The following RABGGTB variants were observed in gnomAD, a reference collection of about 807,000 sequenced individuals.
RABGGTB encodes Rab geranylgeranyltransferase subunit beta.
Under a neutral mutation model 44.5 loss-of-function variants are expected in RABGGTB, and 20 were observed. That is an observed-to-expected ratio of 0.45 (90% CI 0.32 to 0.65). The LOEUF (loss-of-function observed/expected upper bound fraction) is 0.65, where lower values mean the gene tolerates loss of function less well. RABGGTB is among the 30% of genes least tolerant of loss of function. RABGGTB has a pLI of 0.05. For synonymous variants in RABGGTB, 128 were observed against 136.7 expected, an observed-to-expected ratio of 0.94 and a Z score of 0.44; for missense variants, 302 against 398.7, an observed-to-expected ratio of 0.76 and a Z score of 2.06.
At chr1:75,786,498 G>A (rs35505941) in intron 1 of RABGGTB, among the ~76,000 whole-genome samples, 6,173 of 152,128 alleles carry the variant, frequency 0.041, 146 homozygotes, top group Middle Eastern at 0.054. Context: ...TGTAGGGAGG[G>A]CCTGTTAAGA....
chr1:75,793,126 A>G (rs1175777741), intron 7 of RABGGTB, among the ~76,000 whole-genome samples: 1 of 143,210 alleles, frequency 7.0e-6, no homozygotes, highest in Admixed American at 7.0e-5. Context: ...ACTATATTTA[A>G]ATGATTTATA....
rs1649729857 is a variant in RABGGTB at position 75,794,793 on chromosome 1, A to G, written c.*143A>G. On this transcript the variant is annotated 3_prime_UTR_variant, in exon 9 of 9. Coordinates refer to ENST00000319942, the MANE Select transcript of RABGGTB (RefSeq NM_004582.4). Reference sequence around the variant, plus strand: ...ATTTTAATAAATTATATAATTATACATATTGTAAAATAAAGACCGGTATTT... The same window carrying G: ...ATTTTAATAAATTATATAATTATACGTATTGTAAAATAAAGACCGGTATTT... 1.1e-5 allele frequency: 6 copies of G among 528,410 alleles called. No individual in the cohort carries two copies. The highest frequency in any genetic ancestry group is 6.5e-4 in the Middle Eastern group (1 of 1,540). The allele number at this position is 528,410 out of a possible 1,614,324, so 32.7% of individuals were successfully genotyped here.
rs914088361 is a variant in RABGGTB, at chr1:75,792,360, C to G, written c.705+54C>G. On this transcript the variant is annotated intron_variant, in intron 7 of 8. Transcript: ENST00000319942. Reference sequence around the variant, plus strand: ...GCTTTAGAACCTTGAGTGAATGCTGCTGCTTTGTCTTGCCTGTTTCTATAT... The same window carrying G: ...GCTTTAGAACCTTGAGTGAATGCTGGTGCTTTGTCTTGCCTGTTTCTATAT... 13 of 1,588,750 alleles carry G rather than the reference C, an allele frequency of 8.2e-6. No homozygotes were observed. In the African/African-American group the frequency reaches 1.3e-4, roughly 16 times the overall value.
intron 6 of RABGGTB, 141 bp from the exon 7 acceptor site, chr1:75,792,040 T>C (rs1432757971): frequency 7.3e-6 from 5 of 681,176 alleles, no homozygotes. Context: ...AGATATGTGG[T>C]ATTAATACAT....
In RABGGTB at chr1:75,794,204, G is replaced by GTCAA. The variant is rs779614416; in HGVS notation, c.826_827insTCAA (p.Gly276ValfsTer33). ...TTTAGCATGTCAAGATGAAGAAACG[G>GTCAA]GGGGATTTGCAGACAGGCCAGGAGA... On this transcript the variant is annotated frameshift_variant, in exon 8 of 9. Transcript: ENST00000319942. LOFTEE classifies it high-confidence loss of function. The GTCAA allele has an allele frequency of 6.2e-7, 1 of 1,613,388 alleles. No individual in the cohort carries two copies.
chr1:75,792,355 T>G, intron 7 of RABGGTB, 49 bp downstream of exon 7: 1 of 1,592,994 alleles, frequency 6.3e-7, no homozygotes, highest in Non-Finnish European at 8.6e-7. Context: ...CTTGAGTGAA[T>G]GCTGCTGCTT....
Position 75,787,477 on chromosome 1 carries a change from T to C in RABGGTB, c.4-20T>C, listed in dbSNP as rs755346089. The C allele has an allele frequency of 6.4e-7, 1 of 1,570,314 alleles. No individual in the cohort carries two copies. Among genetic ancestry groups the C allele is most frequent in the African/African-American group, 1.4e-5 (1 of 73,978 alleles). The stretch of plus-strand genomic sequence containing the variant: ...GTTGTAGAGGTAAACATTGATGAGA[T>C]TACCACTTTATTTTGAAAGGGCACT... On this transcript the variant is annotated intron_variant, in intron 1 of 8. Coordinates refer to ENST00000319942, the MANE Select transcript of RABGGTB (RefSeq NM_004582.4).
intron 6 of RABGGTB, chr1:75,791,858 AAAAC>A (rs1009779079): frequency 2.6e-5 from 11 of 418,344 alleles, no homozygotes; most frequent in Middle Eastern, 6.6e-4. Context: ...GATAAAAAAA[AAAAC>A]AACACATTTT....
chr1:75,789,471 C>G (rs1649590816), intron 3 of RABGGTB, 115 bp downstream of exon 3: 1 of 1,046,508 alleles, frequency 9.6e-7, no homozygotes. Flanking sequence ...TGAAGCTGTC[C>G]TACAAGGTCA....
chr1:75,789,227 G>C lies in RABGGTB; in HGVS notation c.180G>C (p.Met60Ile). ...GGGGTCTGACAGTAATGGATCTCAT[G>C]GGACAACTTCATCGCATGAATAGAG... ...IYWGLTVMDL[M>I]GQLHRMNREE... The change falls in exon 3 of 9, where the codon ATG (methionine) becomes ATC (isoleucine). Residue 60 changes from methionine to isoleucine, a missense_variant. Physicochemically the swap from Met to Ile is conservative, Grantham distance 10. This residue lies in a region of RABGGTB where 89 missense variants were observed against 75.0 expected (regional missense o/e 1.19). Transcript: ENST00000319942. 6.2e-7 allele frequency: 1 copy of C among 1,614,024 alleles called. No individual in the cohort carries two copies. The highest frequency in any genetic ancestry group is 8.5e-7 in the Non-Finnish European group (1 of 1,179,944).
rs1041076222 is a variant in RABGGTB, at chr1:75,787,255, C to T, written c.4-242C>T. 6.2e-5 allele frequency: 39 copies of T among 627,082 alleles called. No individual in the cohort carries two copies. In the Middle Eastern group the frequency reaches 8.6e-4, roughly 14 times the overall value. 38.8% of individuals were successfully genotyped at this position (627,082 alleles called of 1,614,324 possible). The stretch of plus-strand genomic sequence containing the variant: ...TGTTGTTTTGGTTTTGTTTTTGAGT[C>T]GGTCTCCGGTCGCCCAGGATGGAGT... On this transcript the variant is annotated intron_variant, in intron 1 of 8. Transcript: ENST00000319942.
intron 1 of RABGGTB, 137 bp downstream of exon 1, chr1:75,786,411 T>G: frequency 7.8e-7 from 1 of 1,275,904 alleles, no homozygotes; most frequent in East Asian, 2.3e-5. Context: ...GAAGGTTTTT[T>G]GAGTGTGAAA....
intron 1 of RABGGTB, 53 bp downstream of exon 1, chr1:75,786,327 G>T: frequency 6.2e-7 from 1 of 1,607,128 alleles, no homozygotes; most frequent in Non-Finnish European, 8.5e-7. Flanking sequence ...AGACAGGGTG[G>T]AGTAGGGTTA....
intron 2 of RABGGTB, chr1:75,788,590 C>G (rs1649560001): frequency 6.5e-6 from 1 of 154,158 alleles, no homozygotes; most frequent in South Asian, 2.0e-4. Flanking sequence ...CACCCAGCCA[C>G]AAAACTTCTT....
chr1:75,789,697 T>C (rs1649599288), intron 3 of RABGGTB: 1 of 571,052 alleles, frequency 1.8e-6, no homozygotes, highest in Non-Finnish European at 3.1e-6. Flanking sequence ...CAGGACTTTG[T>C]GTGGATGTGA....
At chr1:75,786,310 T>A in intron 1 of RABGGTB, 36 bp downstream of exon 1, 1 of 1,613,746 alleles carries the variant, frequency 6.2e-7, no homozygotes, top group Non-Finnish European at 8.5e-7. Flanking sequence ...CCGGATGGGT[T>A]GGTAGCAGAC....
intron 1 of RABGGTB, 115 bp downstream of exon 1, chr1:75,786,389 A>T (rs1240636166): frequency 6.2e-6 from 9 of 1,443,478 alleles, no homozygotes; most frequent in Admixed American, 3.4e-5. Flanking sequence ...AATGGTTAGG[A>T]CACAGGCCTT....
At position 75,794,719 on chromosome 1, in the gene RABGGTB, C is replaced by A; in HGVS notation, c.*69C>A. ...ACATTTCTGTATTTGAAGTGCTTAT[C>A]GAATCTAAAAGTGACTACTGTTAAT... On this transcript the variant is annotated 3_prime_UTR_variant, in exon 9 of 9. Transcript: ENST00000319942. 7.4e-7 allele frequency: 1 copy of A among 1,343,008 alleles called. No homozygotes were observed. 83.2% of individuals were successfully genotyped at this position (1,343,008 alleles called of 1,614,324 possible).
chr1:75,787,455 G>A (rs756642610), intron 1 of RABGGTB, 42 bp from the exon 2 acceptor site: 3 of 1,415,204 alleles, frequency 2.1e-6, no homozygotes, highest in Non-Finnish European at 3.0e-6. Flanking sequence ...GAAGAACGTT[G>A]TAGAGGTAAA....
Sources: gnomAD v4.1 joint callset for allele counts (sites outside exome capture counted in the v4.1 genomes callset) on GRCh38, gnomAD v4.1.1 for gene constraint, gnomAD v4.1.1 regional missense constraint, MANE v1.5 for transcripts, NCBI Gene and HGNC (gene_info 2026-07-23, HGNC 2026-07-21) for gene names.